DLGAP2: variants seen among roughly 807,000 people sequenced by gnomAD.
DLGAP2 encodes DLG associated protein 2.
Under a neutral mutation model 100.3 loss-of-function variants are expected in DLGAP2, and 26 were observed. The observed-to-expected ratio is 0.26, with a 90% confidence interval of 0.19 to 0.36. DLGAP2 has a LOEUF of 0.36. DLGAP2 is among the 10% of genes least tolerant of loss of function. The pLI, the probability that DLGAP2 is intolerant of heterozygous loss-of-function variation, is 1.00. For missense variants in DLGAP2, 1,858 were observed against 1,453.2 expected, an observed-to-expected ratio of 1.28 and a Z score of -4.53; for synonymous variants, 886 against 630.1, an observed-to-expected ratio of 1.41 and a Z score of -6.08.
intron 2 of DLGAP2, among the ~76,000 whole-genome samples, chr8:984,411 C>T (rs1382727082): frequency 6.6e-6 from 1 of 152,214 alleles, no homozygotes. Context: ...GCTCAAAGCC[C>T]CTGCCTCCAA....
chr8:1,523,230 C>T (rs536627481), intron 4 of DLGAP2, among the ~76,000 whole-genome samples: 8 of 152,322 alleles, frequency 5.3e-5, no homozygotes, highest in Admixed American at 3.9e-4. Context: ...AGATGTAGCT[C>T]CCTCACACAC....
chr8:1,408,782 A>G (rs955207736), intron 3 of DLGAP2, among the ~76,000 whole-genome samples: 10 of 151,998 alleles, frequency 6.6e-5, no homozygotes, highest in Non-Finnish European at 1.5e-4. Flanking sequence ...CTCTACCACC[A>G]AGAGACCCTT....
chr8:1,438,569 A>C (rs1426570036), intron 3 of DLGAP2, among the ~76,000 whole-genome samples: 2 of 152,208 alleles, frequency 1.3e-5, no homozygotes, highest in African/African-American at 2.4e-5. Flanking sequence ...AGAATGGCTG[A>C]TATCGAAAAT....
intron 3 of DLGAP2, among the ~76,000 whole-genome samples, chr8:1,284,737 G>T (rs988928018): frequency 6.6e-6 from 1 of 152,140 alleles, no homozygotes; most frequent in African/African-American, 2.4e-5. Flanking sequence ...TCAGCCTCCC[G>T]AGTAGCTGGG....
At chr8:1,470,770 TCCCGA>T (rs1798760889) in intron 3 of DLGAP2, among the ~76,000 whole-genome samples, 1 of 50,008 alleles carries the variant, frequency 2.0e-5, no homozygotes, top group Non-Finnish European at 5.2e-5. Context: ...CTCCAGCCTT[TCCCGA>T]CTCCCCCAGC....
intron 3 of DLGAP2, among the ~76,000 whole-genome samples, chr8:1,439,402 C>A (rs999108933): frequency 6.6e-6 from 1 of 152,156 alleles, no homozygotes; most frequent in African/African-American, 2.4e-5. Flanking sequence ...CCTGTGCCCT[C>A]CGGAGCCTCT....
At chr8:1,018,091 A>C (rs929474768) in intron 2 of DLGAP2, among the ~76,000 whole-genome samples, 3 of 145,050 alleles carry the variant, frequency 2.1e-5, no homozygotes, top group African/African-American at 7.7e-5. Flanking sequence ...AGCTGCATTG[A>C]CCAAGACTCT....
chr8:882,433 T>C (rs1165776901), intron 1 of DLGAP2, among the ~76,000 whole-genome samples: 3 of 103,758 alleles, frequency 2.9e-5, no homozygotes, highest in Non-Finnish European at 3.9e-5. Context: ...CCTCGCCTGA[T>C]CCAGCGGTAC....
intron 2 of DLGAP2, among the ~76,000 whole-genome samples, chr8:1,184,462 T>A (rs1412542536): frequency 6.6e-6 from 1 of 152,212 alleles, no homozygotes; most frequent in Non-Finnish European, 1.5e-5. Context: ...CAGAAGAGGC[T>A]GAGGCCATTC....
At chr8:803,207 C>T (rs550163444) in intron 1 of DLGAP2, among the ~76,000 whole-genome samples, 3 of 152,252 alleles carry the variant, frequency 2.0e-5, no homozygotes, top group South Asian at 2.1e-4. Context: ...GCTTGAGTGC[C>T]GCTTCCTCCC....
intron 3 of DLGAP2, among the ~76,000 whole-genome samples, chr8:1,477,383 T>C (rs1798965045): frequency 6.6e-6 from 1 of 152,208 alleles, no homozygotes; most frequent in African/African-American, 2.4e-5. Flanking sequence ...CTCTGTCCTT[T>C]CCTTCTGAAA....
rs148800446 is a variant in DLGAP2, at chr8:1,370,674, G to A, written c.106+111791G>A. Among the ~76,000 whole-genome samples the A allele has an allele frequency of 2.6e-3, 391 of 152,352 alleles. 2 individuals carry two copies. The highest frequency in any genetic ancestry group is 4.5e-3 in the Non-Finnish European group (308 of 68,028). ...GATTAGAAGCCATCTGAAGGCACCT[G>A]TTCCTGGGATCACCCCAGACAACCG... On this transcript the variant is annotated intron_variant, in intron 3 of 14. Transcript: ENST00000637795.
chr8:913,976 T>C (rs1299029885), intron 2 of DLGAP2, among the ~76,000 whole-genome samples: 1 of 152,228 alleles, frequency 6.6e-6, no homozygotes, highest in African/African-American at 2.4e-5. Context: ...GTGGGAAATC[T>C]CCACGTGTGG....
At chr8:787,209 C>T (rs980276464) in intron 1 of DLGAP2, among the ~76,000 whole-genome samples, 16 of 152,272 alleles carry the variant, frequency 1.1e-4, no homozygotes, top group African/African-American at 3.9e-4. Flanking sequence ...TTGAAGACTG[C>T]TGTATGTCTT....
chr8:1,023,043 C>T (rs1369986727), intron 2 of DLGAP2, among the ~76,000 whole-genome samples: 1 of 152,236 alleles, frequency 6.6e-6, no homozygotes, highest in Non-Finnish European at 1.5e-5. Context: ...TTGCGATCTG[C>T]AGACATCCAG....
At chr8:1,252,029 A>G (rs1174077437) in intron 2 of DLGAP2, among the ~76,000 whole-genome samples, 30 of 124,994 alleles carry the variant, frequency 2.4e-4, no homozygotes, top group Non-Finnish European at 4.3e-4. Context: ...CCTGAGTCAC[A>G]ATGTCAGAGT....
At chr8:1,698,357 C>T (rs1348386414) in intron 14 of DLGAP2, among the ~76,000 whole-genome samples, 2 of 145,836 alleles carry the variant, frequency 1.4e-5, no homozygotes, top group Admixed American at 1.4e-4. Context: ...GGCAGGTCCA[C>T]GTAAGCCATG....
chr8:1,335,813 C>T (rs540716383), intron 3 of DLGAP2, among the ~76,000 whole-genome samples: 1 of 152,182 alleles, frequency 6.6e-6, no homozygotes. Flanking sequence ...TGCAATAAAA[C>T]AAGTTTCAGA....
At chr8:1,420,743 C>T (rs1563136291) in intron 3 of DLGAP2, among the ~76,000 whole-genome samples, 1 of 152,092 alleles carries the variant, frequency 6.6e-6, no homozygotes. Flanking sequence ...AACTCAGCTC[C>T]CTGGCTCGGT....
Sources: gnomAD v4.1 joint callset for allele counts (sites outside exome capture counted in the v4.1 genomes callset) on GRCh38, gnomAD v4.1.1 for gene constraint, MANE v1.5 for transcripts, NCBI Gene and HGNC (gene_info 2026-07-23, HGNC 2026-07-21) for gene names.